NEB: variants seen among roughly 807,000 people sequenced by gnomAD.
The protein encoded by NEB is nebulin.
Under a neutral mutation model 952.2 loss-of-function variants are expected in NEB, and 512 were observed. The ratio of observed to expected loss-of-function variants is 0.54; its 90% confidence interval spans 0.50 to 0.58. The LOEUF (loss-of-function observed/expected upper bound fraction) is 0.58. NEB is among the 20% of genes least tolerant of loss of function. NEB has a pLI of 0.00. For missense variants in NEB, 8,428 were observed against 9,231.1 expected, an observed-to-expected ratio of 0.91 and a Z score of 3.56; for synonymous variants, 2,900 against 3,149.8, an observed-to-expected ratio of 0.92 and a Z score of 2.66.
In NEB at chr2:151,665,522, G is replaced by C. The variant is rs777670525; in HGVS notation, c.5049C>G (p.Asp1683Glu). 1.9e-6 allele frequency: 3 copies of C among 1,606,168 alleles called. No homozygotes were observed. In the Admixed American group the frequency reaches 5.1e-5, roughly 27 times the overall value. The change falls in exon 42 of 182, where the codon GAC (aspartate) becomes GAG (glutamate). Residue 1683 changes from aspartate to glutamate, a missense_variant. Coordinates refer to ENST00000397345, the MANE Select transcript of NEB (RefSeq NM_001164508.2). Reference sequence around the variant, plus strand: ...CGATCCCTTTCATCCAATTGGTGAAGTCAGATTTGTACAGATTCTTTACAA... The same window carrying C: ...CGATCCCTTTCATCCAATTGGTGAACTCAGATTTGTACAGATTCTTTACAA... ...QIQSDNLYKS[D>E]FTNWMKGIGW... is the part of the protein sequence containing the mutation.
At chr2:151,726,431 A>G (rs1002621151) in intron 5 of NEB, among the ~76,000 whole-genome samples, 1 of 152,218 alleles carries the variant, frequency 6.6e-6, no homozygotes. Context: ...GTGAGTATGT[A>G]TTGCTCAACC....
Position 151,644,031 on chromosome 2 carries a change from G to A in NEB, c.7743C>T (p.Ala2581=), listed in dbSNP as rs1015676903. ...DPKMMWSMHV[A]KIQSDREYKK... is the part of the protein sequence containing the mutation. ...TGTACTCCCTGTCACTCTGGATCTT[G>A]GCCACATGCATGGACCACATCATCT... The change falls in exon 57 of 182, where the codon GCC becomes GCT. Residue 2581 remains alanine (A), a synonymous_variant. Coordinates refer to ENST00000397345, the MANE Select transcript of NEB (RefSeq NM_001164508.2). The A allele has an allele frequency of 5.0e-6, 8 of 1,613,900 alleles. No homozygotes were observed. Among genetic ancestry groups the A allele is most frequent in the Non-Finnish European group, 6.8e-6 (8 of 1,179,882 alleles).
At chr2:151,717,618 T>C in intron 9 of NEB, 98 bp from the exon 10 acceptor site, 4 of 892,268 alleles carry the variant, frequency 4.5e-6, no homozygotes, top group South Asian at 1.5e-5. Context: ...TAATTTGTCC[T>C]AGATGTTACA....
chr2:151,715,498 A>C (rs1004770579), intron 10 of NEB, among the ~76,000 whole-genome samples: 1 of 152,208 alleles, frequency 6.6e-6, no homozygotes, highest in African/African-American at 2.4e-5. Context: ...GAAGCAATTA[A>C]GTTTAGGTGA....
chr2:151,517,927 C>T (rs534222901), intron 156 of NEB, among the ~76,000 whole-genome samples: 3 of 152,204 alleles, frequency 2.0e-5, no homozygotes, highest in Admixed American at 6.5e-5. Context: ...TGTAAATTCC[C>T]AGAACTGCTT....
In NEB at chr2:151,655,808, T is replaced by C. The variant is rs1271538568; in HGVS notation, c.6702+9A>G. Reference sequence around the variant, plus strand: ...TGGGAGCTGTGTGGACGGCCACTGTTCTCTGTACCTTGTTCATGGTATGTG... The same window carrying C: ...TGGGAGCTGTGTGGACGGCCACTGTCCTCTGTACCTTGTTCATGGTATGTG... On this transcript the variant is annotated intron_variant, in intron 50 of 181. Coordinates refer to ENST00000397345, the MANE Select transcript of NEB (RefSeq NM_001164508.2). 4 of 1,613,200 alleles carry C rather than the reference T, an allele frequency of 2.5e-6. No individual in the cohort carries two copies. The African/African-American group carries it at 4.0e-5, about 16-fold the overall frequency.
chr2:151,650,147 A>G lies in NEB; in HGVS notation c.7431+29T>C, dbSNP rs201121298. ...GCAAACACTAGGTAGCAGGCACTAT[A>G]ATCTATTTATTTCCAGAGTGCTACT... On this transcript the variant is annotated intron_variant, in intron 54 of 181. Transcript: ENST00000397345. 40 of 1,599,904 alleles carry G rather than the reference A, an allele frequency of 2.5e-5. No homozygotes were observed. The East Asian group carries it at 8.9e-4, about 36-fold the overall frequency.
chr2:151,520,571 A>G lies in NEB; in HGVS notation c.22480-803T>C, dbSNP rs144222420. On this transcript the variant is annotated intron_variant, in intron 153 of 181. Coordinates refer to ENST00000397345, the MANE Select transcript of NEB (RefSeq NM_001164508.2). ...GTCATTATGTCTAGGTAAAATATCT[A>G]AAGAGGATGATAGCCAGGTGTGGTG... is the stretch of plus-strand genomic sequence containing the variant. 1.7e-3 allele frequency among the ~76,000 whole-genome samples: 262 copies of G among 152,320 alleles called. 2 individuals are homozygous for G. The South Asian group carries it at 0.031, about 18-fold the overall frequency.
At chr2:151,604,149 G>A (rs2097590696) in intron 85 of NEB, among the ~76,000 whole-genome samples, 1 of 119,634 alleles carries the variant, frequency 8.4e-6, no homozygotes, top group South Asian at 2.8e-4. Context: ...TTAGATGTAT[G>A]CGTAATGAGA....
chr2:151,690,505 G>A (rs2099539984), intron 24 of NEB: 2 of 439,230 alleles, frequency 4.6e-6, no homozygotes, highest in Non-Finnish European at 8.3e-6. Flanking sequence ...CTAAAAATCA[G>A]TGAGTTATTA....
chr2:151,725,634 T>C, intron 5 of NEB, 74 bp from the exon 6 acceptor site: 2 of 1,179,666 alleles, frequency 1.7e-6, no homozygotes, highest in Non-Finnish European at 2.5e-6. Flanking sequence ...CCCCATTTGA[T>C]AAAAAAAAAT....
At chr2:151,518,888 G>A (rs1348685237) in intron 155 of NEB, 77 bp downstream of exon 155, 2 of 894,160 alleles carry the variant, frequency 2.2e-6, no homozygotes, top group African/African-American at 3.3e-5. Flanking sequence ...CAGAGAAGAA[G>A]ATGCATCTGG....
In NEB at chr2:151,570,210, G is replaced by T. The variant is rs1310753005; in HGVS notation, c.17301C>A (p.Ile5767=). 4.3e-6 allele frequency: 7 copies of T among 1,613,628 alleles called. No individual in the cohort carries two copies. The highest frequency in any genetic ancestry group is 1.3e-5 in the African/African-American group (1 of 74,916). Residue 5767 remains isoleucine, a synonymous_variant, in exon 109 of 182, where the codon ATC becomes ATA. Coordinates refer to ENST00000397345, the MANE Select transcript of NEB (RefSeq NM_001164508.2). ...GAGCCTGGGAATTTTTAGAGTGCAG[G>T]ATGGAAAGCATGTCCACAGGGCTCT... ...KIQSPVDMLS[I]LHSKNSQALV...
intron 168 of NEB, 172 bp from the exon 169 acceptor site, chr2:151,499,562 C>A (rs2062868005): frequency 4.2e-6 from 2 of 480,858 alleles, no homozygotes; most frequent in Admixed American, 7.6e-5. Context: ...TTTTGTATTT[C>A]CTTAGTGAAA....
chr2:151,674,319 A>T (rs2099339583), intron 36 of NEB, among the ~76,000 whole-genome samples, 158 bp downstream of exon 36: 1 of 152,210 alleles, frequency 6.6e-6, no homozygotes, highest in African/African-American at 2.4e-5. Context: ...GAACCACAAA[A>T]ATGTTTCTAA....
intron 54 of NEB, 35 bp from the exon 55 acceptor site, chr2:151,646,269 G>A: frequency 7.0e-7 from 1 of 1,432,776 alleles, no homozygotes; most frequent in Non-Finnish European, 9.6e-7. Context: ...CAGTGGTGTT[G>A]TTAGATTAGT....
chr2:151,696,070 G>T (rs979245228), intron 17 of NEB, among the ~76,000 whole-genome samples: 1 of 152,104 alleles, frequency 6.6e-6, no homozygotes, highest in Non-Finnish European at 1.5e-5. Flanking sequence ...GCTCTAATTG[G>T]AGCCTTCATT....
chr2:151,498,147 A>G (rs2061596310), intron 170 of NEB, 113 bp downstream of exon 170: 1 of 1,530,336 alleles, frequency 6.5e-7, no homozygotes, highest in East Asian at 2.5e-5. Flanking sequence ...TTGTAATATA[A>G]GATGTATTAG....
chr2:151,665,669 C>T, intron 41 of NEB, 130 bp from the exon 42 acceptor site: 1 of 701,020 alleles, frequency 1.4e-6, no homozygotes, highest in South Asian at 3.1e-5. Flanking sequence ...TTTTTACTCC[C>T]TACAGTCTTT....
Sources: gnomAD v4.1 joint callset for allele counts (sites outside exome capture counted in the v4.1 genomes callset) on GRCh38, gnomAD v4.1.1 for gene constraint, MANE v1.5 for transcripts, NCBI Gene and HGNC (gene_info 2026-07-23, HGNC 2026-07-21) for gene names.